The following CAMKMT variants were observed in gnomAD, a reference collection of about 807,000 sequenced individuals.
CAMKMT encodes the protein CaM KMT.
In CAMKMT, 53 loss-of-function variants were observed where a neutral mutation model predicts 48.0. That is an observed-to-expected ratio of 1.10 (90% CI 0.89 to 1.39). The LOEUF (loss-of-function observed/expected upper bound fraction) is 1.39. CAMKMT is among the 40% of genes most tolerant of loss of function. The pLI is 0.00. For missense variants in CAMKMT, 428 were observed against 402.7 expected, an observed-to-expected ratio of 1.06 and a Z score of -0.54; for synonymous variants, 165 against 152.3, an observed-to-expected ratio of 1.08 and a Z score of -0.61.
intron 3 of CAMKMT, among the ~76,000 whole-genome samples, chr2:44,481,917 T>C (rs1289122531): frequency 6.6e-6 from 1 of 152,072 alleles, no homozygotes; most frequent in South Asian, 2.1e-4. Flanking sequence ...GTTTTAGAAA[T>C]TTCAATTCCT....
intron 2 of CAMKMT, 102 bp downstream of exon 2, chr2:44,372,990 G>C: frequency 8.9e-7 from 1 of 1,120,234 alleles, no homozygotes; most frequent in Middle Eastern, 2.1e-4. Context: ...TGAGTTTACG[G>C]GCAATCTTTT....
At chr2:44,550,381 C>T (rs1201939426) in intron 3 of CAMKMT, among the ~76,000 whole-genome samples, 4 of 149,564 alleles carry the variant, frequency 2.7e-5, no homozygotes, top group African/African-American at 9.9e-5. Context: ...CAGAGTGAGA[C>T]TCTGTCTCAA....
At chr2:44,739,544 T>TATCTA (rs1203698974) in intron 7 of CAMKMT, among the ~76,000 whole-genome samples, 2 of 152,110 alleles carry the variant, frequency 1.3e-5, no homozygotes, top group African/African-American at 4.8e-5. Context: ...GATACCCAAG[T>TATCTA]GGAAATATTA....
At chr2:44,636,748 T>C (rs1673156462) in intron 3 of CAMKMT, among the ~76,000 whole-genome samples, 1 of 152,194 alleles carries the variant, frequency 6.6e-6, no homozygotes, top group African/African-American at 2.4e-5. Context: ...AGAGCAACAA[T>C]ACATAAACTC....
At chr2:44,545,343 A>G (rs1455430019) in intron 3 of CAMKMT, among the ~76,000 whole-genome samples, 1 of 152,232 alleles carries the variant, frequency 6.6e-6, no homozygotes, top group Non-Finnish European at 1.5e-5. Context: ...GTAAACCTTT[A>G]CAGTCCCCAA....
At chr2:44,747,304 A>G (rs1679962287) in intron 8 of CAMKMT, among the ~76,000 whole-genome samples, 2 of 152,196 alleles carry the variant, frequency 1.3e-5, no homozygotes, top group Admixed American at 1.3e-4. Flanking sequence ...TTTTCCCTCA[A>G]AATGGAAATA....
chr2:44,468,642 G>GGT (rs753125727), intron 3 of CAMKMT, among the ~76,000 whole-genome samples: 18 of 152,052 alleles, frequency 1.2e-4, no homozygotes, highest in African/African-American at 4.8e-5. Context: ...TATAAGGCCA[G>GGT]GTGTGGTGGC....
At chr2:44,587,857 G>GC (rs1351594004) in intron 3 of CAMKMT, among the ~76,000 whole-genome samples, 3 of 128,350 alleles carry the variant, frequency 2.3e-5, no homozygotes, top group African/African-American at 8.7e-5. Flanking sequence ...GCCTGCCTTG[G>GC]CCCCCCAAAG....
At chr2:44,384,034 C>G (rs901486865) in intron 2 of CAMKMT, among the ~76,000 whole-genome samples, 4 of 152,184 alleles carry the variant, frequency 2.6e-5, no homozygotes, top group African/African-American at 9.7e-5. Context: ...ACTTTTAGTT[C>G]TTTAAGGAAT....
intron 3 of CAMKMT, chr2:44,676,581 C>T (rs1324150659): frequency 6.6e-6 from 1 of 152,312 alleles, no homozygotes; most frequent in Admixed American, 6.5e-5. Context: ...TCTCCCTAAT[C>T]ATCTTCATGC....
At chr2:44,383,626 A>T (rs1238492118) in intron 2 of CAMKMT, among the ~76,000 whole-genome samples, 1 of 151,464 alleles carries the variant, frequency 6.6e-6, no homozygotes, top group Non-Finnish European at 1.5e-5. Context: ...TATCCCTTGT[A>T]CCCCTCCCAC....
chr2:44,364,128 G>T (rs1267684255), intron 1 of CAMKMT, among the ~76,000 whole-genome samples: 4 of 151,276 alleles, frequency 2.6e-5, no homozygotes, highest in Non-Finnish European at 5.9e-5. Context: ...GAATTACAGG[G>T]GTATGCCATG....
chr2:44,513,202 C>G (rs893900553), intron 3 of CAMKMT, among the ~76,000 whole-genome samples: 1 of 152,136 alleles, frequency 6.6e-6, no homozygotes, highest in African/African-American at 2.4e-5. Context: ...CCAAATTACC[C>G]CACTGACAGG....
rs543290100 is a variant in CAMKMT, at chr2:44,536,679, G to A, written c.376+146374G>A. ...AAAAAATAATCCCCAAATTTGTATG[G>A]AACCAAAAAAGAGCCTGAATAGGCA... On this transcript the variant is annotated intron_variant, in intron 3 of 10. Coordinates refer to ENST00000378494, the MANE Select transcript of CAMKMT (RefSeq NM_024766.5). 2.7e-3 allele frequency among the ~76,000 whole-genome samples: 417 copies of A among 151,900 alleles called. 1 individual carries two copies. Among genetic ancestry groups the A allele is most frequent in the African/African-American group, 9.6e-3 (396 of 41,450 alleles).
intron 3 of CAMKMT, among the ~76,000 whole-genome samples, chr2:44,698,759 T>C (rs142921190): frequency 2.9e-3 from 447 of 152,352 alleles, no homozygotes; most frequent in Admixed American, 4.4e-3. Flanking sequence ...TGACTCTTCC[T>C]TTCAGGAAAG....
At chr2:44,470,976 T>G (rs1191196718) in intron 3 of CAMKMT, among the ~76,000 whole-genome samples, 1 of 150,798 alleles carries the variant, frequency 6.6e-6, no homozygotes, top group East Asian at 2.0e-4. Flanking sequence ...ATTGTTAATG[T>G]TTCTTCTCTC....
chr2:44,510,564 C>T (rs965167040), intron 3 of CAMKMT, among the ~76,000 whole-genome samples: 13 of 152,158 alleles, frequency 8.5e-5, no homozygotes, highest in Admixed American at 2.6e-4. Flanking sequence ...CTTGTTGAGA[C>T]ATACTTTGAG....
At chr2:44,682,416 G>A (rs369458645) in intron 3 of CAMKMT, among the ~76,000 whole-genome samples, 1 of 152,108 alleles carries the variant, frequency 6.6e-6, no homozygotes, top group Admixed American at 6.5e-5. Context: ...TGACAGGACT[G>A]TAATTTTAAA....
In CAMKMT at chr2:44,449,084, A is replaced by G. The variant is rs559735639; in HGVS notation, c.376+58779A>G. Reference sequence around the variant, plus strand: ...CACCTGTGTAAATACACAAAAAACTATTAAGTTGTACCATTTAACTGGGTG... The same window carrying G: ...CACCTGTGTAAATACACAAAAAACTGTTAAGTTGTACCATTTAACTGGGTG... On this transcript the variant is annotated intron_variant, in intron 3 of 10. Transcript: ENST00000378494. 2.6e-5 allele frequency among the ~76,000 whole-genome samples: 4 copies of G among 152,282 alleles called. No individual in the cohort carries two copies. In the East Asian group the frequency reaches 7.7e-4, roughly 29 times the overall value.
Sources: allele counts gnomAD v4.1 joint callset (sites outside exome capture counted in the v4.1 genomes callset), GRCh38; gene constraint gnomAD v4.1.1; transcripts MANE v1.5; gene names NCBI Gene and HGNC (gene_info 2026-07-23, HGNC 2026-07-21).